PITPNC1: variants seen among roughly 807,000 people sequenced by gnomAD.
PITPNC1 encodes phosphatidylinositol transfer protein cytoplasmic 1.
In PITPNC1, 18 loss-of-function variants were observed where a neutral mutation model predicts 44.7. The ratio of observed to expected loss-of-function variants is 0.40; its 90% CI spans 0.28 to 0.60. The LOEUF (loss-of-function observed/expected upper bound fraction) is 0.60, where lower values mean the gene tolerates loss of function less well. PITPNC1 is among the 20% of genes least tolerant of loss of function. PITPNC1 has a pLI of 0.39. For synonymous variants in PITPNC1, 141 were observed against 149.6 expected, an observed-to-expected ratio of 0.94 and a Z score of 0.42; for missense variants, 290 against 418.4, an observed-to-expected ratio of 0.69 and a Z score of 2.68.
chr17:67,438,124 C>T (rs1236784910), intron 1 of PITPNC1, among the ~76,000 whole-genome samples: 1 of 151,930 alleles, frequency 6.6e-6, no homozygotes, highest in African/African-American at 2.4e-5. Context: ...AACAAAGATC[C>T]TAAGACAGGG....
chr17:67,478,631 GA>G (rs1372259298), intron 1 of PITPNC1, among the ~76,000 whole-genome samples: 1 of 151,794 alleles, frequency 6.6e-6, no homozygotes, highest in Non-Finnish European at 1.5e-5. Context: ...ACCAAACTTT[GA>G]AAAAACAAGG....
chr17:67,642,682 C>T (rs924343013), intron 6 of PITPNC1, among the ~76,000 whole-genome samples: 1 of 152,114 alleles, frequency 6.6e-6, no homozygotes, highest in Non-Finnish European at 1.5e-5. Context: ...GACGCCAAGT[C>T]TCGCTGAAGC....
At chr17:67,606,981 C>T (rs935302883) in intron 5 of PITPNC1, among the ~76,000 whole-genome samples, 1 of 152,190 alleles carries the variant, frequency 6.6e-6, no homozygotes, top group African/African-American at 2.4e-5. Flanking sequence ...CCCTTCCAAC[C>T]TGCTCCGCTC....
chr17:67,436,553 C>T (rs967383565), intron 1 of PITPNC1, among the ~76,000 whole-genome samples: 8 of 152,020 alleles, frequency 5.3e-5, no homozygotes, highest in African/African-American at 1.5e-4. Flanking sequence ...CCGGACAGGG[C>T]GTGGAAAGCG....
intron 8 of PITPNC1, among the ~76,000 whole-genome samples, chr17:67,689,343 G>A (rs570146703): frequency 8.5e-5 from 13 of 152,124 alleles, no homozygotes; most frequent in Non-Finnish European, 1.8e-4. Context: ...GCCCCTCAGC[G>A]TTGTTCCCGT....
At chr17:67,532,568 G>A (rs565165196) in intron 1 of PITPNC1, among the ~76,000 whole-genome samples, 5 of 152,176 alleles carry the variant, frequency 3.3e-5, no homozygotes, top group African/African-American at 7.2e-5. Context: ...CCACCCGGCC[G>A]AGCATTTGCC....
At chr17:67,423,436 G>A (rs2038699365) in intron 1 of PITPNC1, among the ~76,000 whole-genome samples, 1 of 152,156 alleles carries the variant, frequency 6.6e-6, no homozygotes, top group Admixed American at 6.5e-5. Flanking sequence ...ACTTTCTAAA[G>A]GCAAGGATGT....
intron 1 of PITPNC1, among the ~76,000 whole-genome samples, chr17:67,461,320 GA>G (rs1446850397): frequency 3.9e-5 from 6 of 152,230 alleles, no homozygotes; most frequent in African/African-American, 1.4e-4. Flanking sequence ...AAGTCAAATA[GA>G]TAATAGGTCC....
At chr17:67,624,745 A>T (rs1288398341) in intron 5 of PITPNC1, among the ~76,000 whole-genome samples, 1 of 150,672 alleles carries the variant, frequency 6.6e-6, no homozygotes, top group African/African-American at 2.4e-5. Context: ...CTGGTCTCAA[A>T]CTCCTGACCT....
chr17:67,677,757 A>C (rs2042629273), intron 8 of PITPNC1, among the ~76,000 whole-genome samples: 1 of 151,808 alleles, frequency 6.6e-6, no homozygotes, highest in Non-Finnish European at 1.5e-5. Flanking sequence ...TTTTTAGTAG[A>C]GATGGGGTTT....
At chr17:67,397,186 G>A (rs2038232686) in intron 1 of PITPNC1, among the ~76,000 whole-genome samples, 1 of 151,980 alleles carries the variant, frequency 6.6e-6, no homozygotes, top group African/African-American at 2.4e-5. Flanking sequence ...TCTCCATGTT[G>A]GCCAGGCTGG....
Position 67,633,251 on chromosome 17 carries a change from C to T in PITPNC1, c.462+1013C>T, listed in dbSNP as rs1045228149. ...CAGGGCCCCAGACTCGTCCTTGAGCCGTAACACGTGGACCTTGAAACTCTT... is the reference window on the plus strand; with the variant it reads ...CAGGGCCCCAGACTCGTCCTTGAGCTGTAACACGTGGACCTTGAAACTCTT... On this transcript the variant is annotated intron_variant, in intron 6 of 8. Coordinates refer to ENST00000581322, the MANE Select transcript of PITPNC1 (RefSeq NM_012417.4). Among the ~76,000 whole-genome samples the T allele has an allele frequency of 2.6e-5, 4 of 152,166 alleles. 1 individual carries two copies. The highest frequency in any genetic ancestry group is 9.7e-5 in the African/African-American group (4 of 41,418).
chr17:67,658,722 T>C (rs2042303268), intron 6 of PITPNC1, among the ~76,000 whole-genome samples: 1 of 152,124 alleles, frequency 6.6e-6, no homozygotes, highest in Non-Finnish European at 1.5e-5. Context: ...GTCTCCTACA[T>C]CTCTGGGTTA....
chr17:67,602,098 A>C (rs1598873570), intron 5 of PITPNC1, among the ~76,000 whole-genome samples: 1 of 152,330 alleles, frequency 6.6e-6, no homozygotes, highest in East Asian at 1.9e-4. Flanking sequence ...TGGTACCATC[A>C]GCCTACATAA....
intron 1 of PITPNC1, among the ~76,000 whole-genome samples, chr17:67,422,942 CTCA>C (rs2038692515): frequency 6.6e-6 from 1 of 151,924 alleles, no homozygotes; most frequent in Admixed American, 6.6e-5. Flanking sequence ...CTCTAACAGA[CTCA>C]TCTGAGATTT....
At chr17:67,449,897 T>C (rs992471768) in intron 1 of PITPNC1, among the ~76,000 whole-genome samples, 48 of 152,328 alleles carry the variant, frequency 3.2e-4, no homozygotes, top group Middle Eastern at 3.4e-3. Flanking sequence ...ACTATGTTGC[T>C]CAGGCTGGTC....
chr17:67,538,542 A>G (rs2040561383), intron 2 of PITPNC1, among the ~76,000 whole-genome samples: 4 of 152,062 alleles, frequency 2.6e-5, no homozygotes, highest in Admixed American at 1.3e-4. Context: ...GGAGGTTGCA[A>G]TGAGCCAAGA....
intron 1 of PITPNC1, among the ~76,000 whole-genome samples, chr17:67,392,536 G>A (rs780771461): frequency 1.3e-5 from 2 of 152,048 alleles, no homozygotes; most frequent in African/African-American, 4.8e-5. Flanking sequence ...GAGCCGCTGC[G>A]CTTGGCTAAA....
intron 6 of PITPNC1, among the ~76,000 whole-genome samples, chr17:67,637,528 G>C (rs2706685): frequency 0.045 from 6,809 of 152,170 alleles, 518 homozygotes; most frequent in African/African-American, 0.16. Context: ...GCCAAAGGAG[G>C]GGATGAAAGC....
Sources: gnomAD v4.1 joint callset for allele counts (sites outside exome capture counted in the v4.1 genomes callset) on GRCh38, gnomAD v4.1.1 for gene constraint, MANE v1.5 for transcripts, NCBI Gene and HGNC (gene_info 2026-07-23, HGNC 2026-07-21) for gene names.